Variants in ANO4 observed in about 807,000 individuals in gnomAD.
The protein encoded by ANO4 is anoctamin-4.
ANO4 carries 69 observed loss-of-function variants against 141.9 expected under a neutral mutation model. The observed-to-expected ratio is 0.49, with a 90% CI of 0.40 to 0.59. The LOEUF (loss-of-function observed/expected upper bound fraction) is 0.59. Ranked by LOEUF, ANO4 falls within the 20% of genes least tolerant of loss-of-function variation. ANO4 has a pLI of 0.00. For synonymous variants in ANO4, 350 were observed against 394.3 expected (o/e 0.89, Z 1.33); for missense variants, 894 against 1,162.2 (o/e 0.77, Z 3.36).
At chr12:100,973,401 G>T (rs534215825) in intron 6 of ANO4, among the ~76,000 whole-genome samples, 44 of 152,216 alleles carry the variant, frequency 2.9e-4, no homozygotes, top group African/African-American at 9.9e-4. Flanking sequence ...ATAATTTTCT[G>T]TACTTCTGAA....
At chr12:101,017,001 C>T (rs1330398676) in intron 8 of ANO4, among the ~76,000 whole-genome samples, 1 of 152,190 alleles carries the variant, frequency 6.6e-6, no homozygotes, top group Non-Finnish European at 1.5e-5. Flanking sequence ...GAGTGTTCAG[C>T]ATACTCAGAG....
intron 12 of ANO4, among the ~76,000 whole-genome samples, 157 bp from the exon 13 acceptor site, chr12:101,043,382 C>A (rs1473293566): frequency 6.6e-6 from 1 of 152,164 alleles, no homozygotes; most frequent in Non-Finnish European, 1.5e-5. Context: ...TTTAAATGGG[C>A]AAGAACTTGT....
At chr12:100,750,431 A>G (rs1052359890) in intron 3 of ANO4, among the ~76,000 whole-genome samples, 1 of 151,906 alleles carries the variant, frequency 6.6e-6, no homozygotes, top group Admixed American at 6.6e-5. Context: ...TGCGTGAGCC[A>G]CCACACCTGG....
At chr12:100,861,676 C>A (rs761177893) in intron 1 of ANO4, among the ~76,000 whole-genome samples, 2 of 152,198 alleles carry the variant, frequency 1.3e-5, no homozygotes, top group Non-Finnish European at 2.9e-5. Context: ...TGTTTCTTCA[C>A]TGTTAAATTA....
chr12:100,863,008 G>C (rs1028607626), intron 1 of ANO4, among the ~76,000 whole-genome samples: 5 of 152,126 alleles, frequency 3.3e-5, no homozygotes, highest in African/African-American at 1.2e-4. Flanking sequence ...TAAGGTGTTA[G>C]GTAAACAGCT....
intron 14 of ANO4, among the ~76,000 whole-genome samples, chr12:101,058,922 GGCATTCTTATTTTGT>G (rs1408166642): frequency 1.3e-5 from 2 of 152,108 alleles, no homozygotes; most frequent in East Asian, 3.9e-4. Flanking sequence ...GGTGAGAGAG[GGCATTCTTATTTTGT>G]GCTGGTTTTT....
intron 23 of ANO4, 65 bp downstream of exon 23, chr12:101,110,621 G>A: frequency 7.5e-7 from 1 of 1,331,490 alleles, no homozygotes; most frequent in Non-Finnish European, 9.9e-7. Flanking sequence ...AATTTTAAAA[G>A]CCACAAACTT....
chr12:100,722,569 G>C (rs1324960815), intron 1 of ANO4, among the ~76,000 whole-genome samples: 2 of 152,030 alleles, frequency 1.3e-5, no homozygotes, highest in Non-Finnish European at 2.9e-5. Context: ...TGTCTGACTT[G>C]GTGCTTCCTC....
At position 100,990,823 on chromosome 12, in the gene ANO4, G is replaced by A. The variant is rs569404622; in HGVS notation, c.734+3153G>A. 9.9e-5 allele frequency among the ~76,000 whole-genome samples: 15 copies of A among 152,276 alleles called. No homozygotes were observed. In the South Asian group the frequency reaches 2.1e-3, roughly 21 times the overall value. On this transcript the variant is annotated intron_variant, in intron 8 of 27. Transcript: ENST00000392977. The stretch of plus-strand genomic sequence containing the variant: ...AGACTTGCCCAAGTGGATAAGGGGC[G>A]AAAGGCATCCCAAGAGGAGACAGTA...
At position 100,858,410 on chromosome 12, in the gene ANO4, G is replaced by C. The variant is rs79615062; in HGVS notation, c.-140-43236G>C. Among the ~76,000 whole-genome samples the C allele has an allele frequency of 1.7e-4, 26 of 152,136 alleles. No homozygotes were observed. The East Asian group carries it at 1.9e-3, about 11-fold the overall frequency. The stretch of plus-strand genomic sequence containing the variant: ...CATATATGTGGTCCGTCATTATGAG[G>C]CTCATGACTGTCTAAGATAAAACTG... On this transcript the variant is annotated intron_variant, in intron 1 of 27. Coordinates refer to ENST00000392977, the MANE Select transcript of ANO4 (RefSeq NM_001286615.2).
At chr12:100,829,940 C>T (rs1475454786) in intron 1 of ANO4, among the ~76,000 whole-genome samples, 1 of 152,016 alleles carries the variant, frequency 6.6e-6, no homozygotes, top group African/African-American at 2.4e-5. Context: ...TAAGAACCAG[C>T]ATTGTGGTGG....
chr12:101,120,068 G>A (rs145705858), intron 25 of ANO4, among the ~76,000 whole-genome samples: 244 of 152,308 alleles, frequency 1.6e-3, no homozygotes, highest in African/African-American at 5.3e-3. Flanking sequence ...AGTAATGGCC[G>A]GATCCCAGGC....
chr12:100,919,647 A>C (rs866998903), intron 2 of ANO4, among the ~76,000 whole-genome samples: 1 of 151,302 alleles, frequency 6.6e-6, no homozygotes, highest in Non-Finnish European at 1.5e-5. Context: ...TAAGTGAGAC[A>C]TGACTGTACT....
chr12:100,995,155 G>A (rs2045314027), intron 8 of ANO4, among the ~76,000 whole-genome samples: 1 of 152,070 alleles, frequency 6.6e-6, no homozygotes, highest in Admixed American at 6.6e-5. Flanking sequence ...ACTGCATGGG[G>A]GTGGGGGTGC....
At chr12:100,862,847 G>GA (rs1434979796) in intron 1 of ANO4, among the ~76,000 whole-genome samples, 4 of 152,276 alleles carry the variant, frequency 2.6e-5, no homozygotes, top group Admixed American at 6.5e-5. Context: ...ATCATTGACT[G>GA]AAACGTCATT....
At chr12:100,930,215 G>A (rs181338079) in intron 3 of ANO4, among the ~76,000 whole-genome samples, 85 of 152,118 alleles carry the variant, frequency 5.6e-4, no homozygotes, top group African/African-American at 2.0e-3. Context: ...TTTTGCTTTG[G>A]TTGCCTGTGC....
intron 7 of ANO4, among the ~76,000 whole-genome samples, chr12:100,983,438 G>C (rs1353189925): frequency 1.3e-5 from 2 of 152,220 alleles, no homozygotes; most frequent in Non-Finnish European, 2.9e-5. Flanking sequence ...TGTCTGTTCA[G>C]GGTTTCCCAA....
At chr12:101,037,207 C>T in intron 10 of ANO4, 57 bp downstream of exon 10, 5 of 1,540,318 alleles carry the variant, frequency 3.2e-6, no homozygotes, top group Non-Finnish European at 4.5e-6. Context: ...CTAAAGTCAG[C>T]TTCTAGAGAT....
At chr12:101,055,904 A>C (rs1031741361) in intron 14 of ANO4, among the ~76,000 whole-genome samples, 1 of 152,094 alleles carries the variant, frequency 6.6e-6, no homozygotes, top group Non-Finnish European at 1.5e-5. Flanking sequence ...TCCTAGTACC[A>C]TTTGTCAAAA....
Sources: gnomAD v4.1 joint callset for allele counts (sites outside exome capture counted in the v4.1 genomes callset) on GRCh38, gnomAD v4.1.1 for gene constraint, MANE v1.5 for transcripts, NCBI Gene and HGNC (gene_info 2026-07-23, HGNC 2026-07-21) for gene names.